The following CTR9 variants were observed in gnomAD, a reference collection of about 807,000 sequenced individuals.
CTR9 encodes CTR9 component of Paf1/RNA polymerase II complex.
Under a neutral mutation model 152.1 loss-of-function variants are expected in CTR9, and 41 were observed. The ratio of observed to expected loss-of-function variants is 0.27; its 90% CI spans 0.21 to 0.35. The LOEUF is 0.35. Among genes scored for constraint, CTR9 ranks in the 10% least tolerant of loss-of-function variants. The pLI, the probability that CTR9 is intolerant of heterozygous loss-of-function variation, is 1.00. For synonymous variants in CTR9, 476 were observed against 496.2 expected, an observed-to-expected ratio of 0.96 and a Z score of 0.54; for missense variants, 917 against 1,424.4, an observed-to-expected ratio of 0.64 and a Z score of 5.73.
intron 24 of CTR9, among the ~76,000 whole-genome samples, chr11:10,777,459 T>C (rs1159732233): frequency 6.6e-6 from 1 of 152,028 alleles, no homozygotes. Context: ...GGCTGACACA[T>C]CTGGATTGTT....
chr11:10,761,269 C>G (rs1862971890), intron 6 of CTR9, among the ~76,000 whole-genome samples: 1 of 151,520 alleles, frequency 6.6e-6, no homozygotes, highest in Admixed American at 6.6e-5. Flanking sequence ...TGGTGTAGAT[C>G]AATCATGATT....
At chr11:10,758,165 G>A (rs999919407) in intron 5 of CTR9, among the ~76,000 whole-genome samples, 4 of 152,214 alleles carry the variant, frequency 2.6e-5, no homozygotes, top group African/African-American at 9.6e-5. Context: ...TTATTGTAAG[G>A]ACTTTAGTTT....
intron 5 of CTR9, among the ~76,000 whole-genome samples, chr11:10,758,629 A>G (rs1190510167): frequency 2.6e-5 from 4 of 152,240 alleles, no homozygotes; most frequent in African/African-American, 9.7e-5. Context: ...TTCAGCCTTA[A>G]AGCTTTTAGA....
chr11:10,770,942 A>G (rs1863133922), intron 18 of CTR9, among the ~76,000 whole-genome samples: 1 of 152,224 alleles, frequency 6.6e-6, no homozygotes, highest in African/African-American at 2.4e-5. Context: ...TTAATCTGAC[A>G]GTAATGTGAC....
chr11:10,771,701 G>C, intron 19 of CTR9, 85 bp downstream of exon 19: 1 of 926,394 alleles, frequency 1.1e-6, no homozygotes, highest in Non-Finnish European at 1.8e-6. Flanking sequence ...AGGGAACAGA[G>C]GTTCCTGACC....
At chr11:10,754,841 C>G (rs1380788991) in intron 2 of CTR9, 117 bp from the exon 3 acceptor site, 39 of 1,038,984 alleles carry the variant, frequency 3.8e-5, no homozygotes, top group Non-Finnish European at 5.2e-5. Context: ...TGTTAATCAA[C>G]ATTTTGATTG....
intron 6 of CTR9, among the ~76,000 whole-genome samples, chr11:10,761,244 A>G (rs1029630563): frequency 1.3e-5 from 2 of 152,216 alleles, no homozygotes; most frequent in East Asian, 1.9e-4. Context: ...GGCCAGAGGA[A>G]AAGATTATCT....
chr11:10,755,739 A>T lies in CTR9; in HGVS notation c.446A>T (p.Asp149Val). Reference sequence around the variant, plus strand: ...GAGGGTGACAAAATGGATCAAGCTGATGCACAGTTTCATTTTGTACTCAAT... The same window carrying T: ...GAGGGTGACAAAATGGATCAAGCTGTTGCACAGTTTCATTTTGTACTCAAT... The part of the protein sequence containing the change: ...LLEGDKMDQA[D>V]AQFHFVLNQS... The change falls in exon 4 of 25, where the codon GAT (aspartate) becomes GTT (valine). Residue 149 changes from aspartate (D) to valine (V), a missense_variant. Asp to Val is a radical substitution (Grantham distance 152). Coordinates refer to ENST00000361367, the MANE Select transcript of CTR9 (RefSeq NM_014633.5). 1 of 1,613,638 alleles carries T rather than the reference A, an allele frequency of 6.2e-7. No individual in the cohort carries two copies. The highest frequency in any genetic ancestry group is 8.5e-7 in the Non-Finnish European group (1 of 1,179,724).
intron 16 of CTR9, 124 bp downstream of exon 16, chr11:10,768,615 A>G (rs1247467206): frequency 3.1e-6 from 3 of 978,868 alleles, no homozygotes; most frequent in Non-Finnish European, 4.3e-6. Context: ...CTATTTAGAG[A>G]TTTATAATTA....
chr11:10,762,659 T>G (rs1224316536), intron 7 of CTR9, among the ~76,000 whole-genome samples: 1 of 152,166 alleles, frequency 6.6e-6, no homozygotes, highest in Non-Finnish European at 1.5e-5. Context: ...CATGTTGTAT[T>G]TTTTAAGTTG....
At chr11:10,776,548 A>G (rs1190442151) in intron 24 of CTR9, among the ~76,000 whole-genome samples, 1 of 152,172 alleles carries the variant, frequency 6.6e-6, no homozygotes, top group East Asian at 1.9e-4. Flanking sequence ...TCATTTATTC[A>G]TTCAACAGAC....
At chr11:10,760,098 G>T in intron 5 of CTR9, 75 bp from the exon 6 acceptor site, 1 of 1,530,902 alleles carries the variant, frequency 6.5e-7, no homozygotes, top group Non-Finnish European at 9.0e-7. Flanking sequence ...CATAAATAGA[G>T]AATGTTTAAG....
rs1220367548 is a variant in CTR9 at position 10,767,606 on chromosome 11, T to A, written c.1687-200T>A. On this transcript the variant is annotated intron_variant, in intron 13 of 24. Coordinates refer to ENST00000361367, the MANE Select transcript of CTR9 (RefSeq NM_014633.5). This position sits in a 1 kb window ranked among gnomAD's most constrained non-coding sequence, Gnocchi z 4.0. ...AAAGCATTAATTAAAGTGGTGCAAT[T>A]TTGTATAACTTAGCTTTAGCATTAG... 2 of 560,234 alleles carry A rather than the reference T, an allele frequency of 3.6e-6. No individual in the cohort carries two copies. The highest frequency in any genetic ancestry group is 6.4e-6 in the Non-Finnish European group (2 of 314,800). 34.7% of individuals were successfully genotyped at this position (560,234 alleles called of 1,614,324 possible). A position where few individuals can be genotyped will look rare whatever the true frequency, so the allele number is the denominator to read the frequency against.
intron 21 of CTR9, 78 bp from the exon 22 acceptor site, chr11:10,773,934 C>A (rs1863187112): frequency 1.1e-6 from 1 of 889,644 alleles, no homozygotes; most frequent in Non-Finnish European, 1.7e-6. Flanking sequence ...ATGGATATGG[C>A]CCCTTTCTGT....
intron 1 of CTR9, among the ~76,000 whole-genome samples, chr11:10,751,960 AT>A (rs1369815287): frequency 2.6e-5 from 4 of 151,862 alleles, no homozygotes; most frequent in African/African-American, 7.3e-5. Context: ...ATATCCCAAG[AT>A]TTAGCCGCCC....
chr11:10,765,978 G>C (rs1171676268), intron 12 of CTR9, among the ~76,000 whole-genome samples: 2 of 152,162 alleles, frequency 1.3e-5, no homozygotes, highest in East Asian at 3.8e-4. Flanking sequence ...AAGAACCCCA[G>C]TTAGAGCCCA....
intron 1 of CTR9, among the ~76,000 whole-genome samples, chr11:10,751,915 C>T (rs1862808402): frequency 6.6e-6 from 1 of 151,958 alleles, no homozygotes; most frequent in Admixed American, 6.6e-5. Flanking sequence ...TGTCATGGTG[C>T]GCTGTGTTCT....
rs1303437052 is a variant in CTR9, at chr11:10,766,352, T to C, written c.1598-50T>C. ...CAAAAGTATGACTTTAAAATTATGA[T>C]CCTTTATAGCTAATATTTGGGATAT... is the stretch of plus-strand genomic sequence containing the variant. On this transcript the variant is annotated intron_variant, in intron 12 of 24. Transcript: ENST00000361367. The C allele has an allele frequency of 1.2e-5, 16 of 1,365,970 alleles. No individual in the cohort carries two copies. The East Asian group carries it at 3.5e-4, about 30-fold the overall frequency. The allele number at this position is 1,365,970 out of a possible 1,614,324, so 84.6% of individuals were successfully genotyped here.
At chr11:10,775,364 A>G in intron 23 of CTR9, 61 bp downstream of exon 23, 1 of 1,458,884 alleles carries the variant, frequency 6.9e-7, no homozygotes. Context: ...GCAGTACACT[A>G]GAATACATTC....
Sources: gnomAD v4.1 joint callset for allele counts (sites outside exome capture counted in the v4.1 genomes callset) on GRCh38, gnomAD v4.1.1 for gene constraint, Gnocchi (gnomAD v3.1) non-coding constraint, MANE v1.5 for transcripts, NCBI Gene and HGNC (gene_info 2026-07-23, HGNC 2026-07-21) for gene names.